The following COL24A1 variants were observed in gnomAD, a reference collection of about 807,000 sequenced individuals.
COL24A1 encodes the protein collagen type XXIV alpha 1 chain, also known as collagen alpha-1(XXIV) chain.
In COL24A1, 224 loss-of-function variants were observed where a neutral mutation model predicts 253.9. The ratio of observed to expected loss-of-function variants is 0.88; its 90% confidence interval spans 0.79 to 0.99. The LOEUF is 0.99. Among genes scored for constraint, COL24A1 ranks in the 50% least tolerant of loss-of-function variants. COL24A1 has a pLI of 0.00. For synonymous variants in COL24A1, 685 were observed against 673.7 expected, an observed-to-expected ratio of 1.02 and a Z score of -0.26; for missense variants, 2,131 against 2,068.5, an observed-to-expected ratio of 1.03 and a Z score of -0.59.
chr1:85,785,488 T>C lies in COL24A1; in HGVS notation c.4059+866A>G, dbSNP rs571912047. 2.6e-3 allele frequency among the ~76,000 whole-genome samples: 392 copies of C among 152,334 alleles called. 2 individuals are homozygous for C. The highest frequency in any genetic ancestry group is 3.2e-3 in the Non-Finnish European group (218 of 68,026). The stretch of plus-strand genomic sequence containing the variant: ...AGACAAAGCTATACAATTTTGGGGT[T>C]TGACAAATATGGATCTTTCTTATTG... On this transcript the variant is annotated intron_variant, in intron 48 of 59. Coordinates refer to ENST00000370571, the MANE Select transcript of COL24A1 (RefSeq NM_152890.7).
chr1:86,108,620 T>TAAAAAAAA (rs55852463), intron 5 of COL24A1, among the ~76,000 whole-genome samples: 2 of 83,102 alleles, frequency 2.4e-5, no homozygotes, highest in Non-Finnish European at 4.4e-5. Flanking sequence ...CCATCTCTAC[T>TAAAAAAAA]AAAAAAAAAA....
intron 59 of COL24A1, among the ~76,000 whole-genome samples, chr1:85,732,671 T>C (rs1481190888): frequency 6.6e-6 from 1 of 152,236 alleles, no homozygotes; most frequent in African/African-American, 2.4e-5. Context: ...TGCGAATTTA[T>C]TTTTAATTAT....
At chr1:85,735,286 C>T (rs1211276611) in intron 58 of COL24A1, among the ~76,000 whole-genome samples, 1 of 152,106 alleles carries the variant, frequency 6.6e-6, no homozygotes, top group Non-Finnish European at 1.5e-5. Context: ...CTTTCCTGAG[C>T]CTATATGAAT....
chr1:85,746,491 G>C (rs548484680), intron 55 of COL24A1, among the ~76,000 whole-genome samples: 3 of 152,134 alleles, frequency 2.0e-5, no homozygotes, highest in South Asian at 2.1e-4. Context: ...CTTAAATTTA[G>C]AGAGGAGATA....
At chr1:85,941,787 C>T (rs1317502286) in intron 24 of COL24A1, among the ~76,000 whole-genome samples, 1 of 152,100 alleles carries the variant, frequency 6.6e-6, no homozygotes, top group Non-Finnish European at 1.5e-5. Flanking sequence ...ATCCTAAAAA[C>T]TTGTCTAATC....
At chr1:85,910,786 C>T (rs757561996) in intron 25 of COL24A1, among the ~76,000 whole-genome samples, 2 of 151,796 alleles carry the variant, frequency 1.3e-5, no homozygotes, top group African/African-American at 2.4e-5. Context: ...ATGATATTAA[C>T]AGAGATGAAA....
chr1:85,920,158 T>G (rs1686305518), intron 24 of COL24A1, among the ~76,000 whole-genome samples: 1 of 152,192 alleles, frequency 6.6e-6, no homozygotes, highest in African/African-American at 2.4e-5. Context: ...AAGGTAAACG[T>G]ATATTTTCTA....
chr1:85,746,845 C>T (rs1481942944), intron 55 of COL24A1, among the ~76,000 whole-genome samples: 4 of 152,118 alleles, frequency 2.6e-5, no homozygotes, highest in Non-Finnish European at 5.9e-5. Context: ...GACCATCCTG[C>T]TTGCGTGAAT....
chr1:86,097,465 CTCCTCCTCCT>C (rs1704005502), intron 5 of COL24A1, among the ~76,000 whole-genome samples: 3 of 40,592 alleles, frequency 7.4e-5, no homozygotes, highest in East Asian at 4.5e-4. Flanking sequence ...CTCTTCCTCC[CTCCTCCTCCT>C]CCCTCCTCCT....
intron 48 of COL24A1, among the ~76,000 whole-genome samples, chr1:85,784,645 G>T (rs544713898): frequency 6.6e-6 from 1 of 152,158 alleles, no homozygotes; most frequent in Admixed American, 6.6e-5. Flanking sequence ...AAACTAGTAG[G>T]ATAGTAAGGC....
At chr1:85,944,011 T>G (rs368247217) in intron 24 of COL24A1, among the ~76,000 whole-genome samples, 1 of 152,362 alleles carries the variant, frequency 6.6e-6, no homozygotes, top group African/African-American at 2.4e-5. Flanking sequence ...GTTAAAACAT[T>G]GAACTTTCCC....
rs1190565175 is a variant in COL24A1, at chr1:85,965,041, A to G, written c.2485T>C (p.Tyr829His). The G allele has an allele frequency of 6.2e-7, 1 of 1,610,854 alleles. No individual in the cohort carries two copies. Residue 829 changes from tyrosine to histidine, a missense_variant, in exon 23 of 60, where the codon TAT (tyrosine) becomes CAT (histidine). Transcript: ENST00000370571. ...GPRGKPGQKG[Y>H]AGEPGPEGLK... Reference sequence around the variant, plus strand: ...CCTTCTGGTCCTGGTTCACCTGCATACCCCTTTTGACCTGGTTTTCCCTAG... The same window carrying G: ...CCTTCTGGTCCTGGTTCACCTGCATGCCCCTTTTGACCTGGTTTTCCCTAG...
At chr1:86,066,351 G>A (rs1038586586) in intron 7 of COL24A1, among the ~76,000 whole-genome samples, 1 of 147,086 alleles carries the variant, frequency 6.8e-6, no homozygotes, top group African/African-American at 2.5e-5. Context: ...CCATTCTCCT[G>A]CCTCAGCCTC....
intron 7 of COL24A1, among the ~76,000 whole-genome samples, chr1:86,064,497 G>GTACA (rs1481680763): frequency 1.3e-5 from 2 of 152,100 alleles, no homozygotes; most frequent in Admixed American, 1.3e-4. Context: ...GAGCTTATTT[G>GTACA]TACAGTTCTA....
rs748611459 is a variant in COL24A1 at position 86,125,383 on chromosome 1, T to C, written c.953A>G (p.Gln318Arg). The C allele has an allele frequency of 2.5e-6, 4 of 1,613,696 alleles. No homozygotes were observed. In the Admixed American group the frequency reaches 6.7e-5, roughly 27 times the overall value. The change falls in exon 3 of 60, where the codon CAG becomes CGG. Residue 318 changes from glutamine to arginine, a missense_variant. Physicochemically the swap from Gln to Arg is conservative, Grantham distance 43. Transcript: ENST00000370571. ...QISRSQLSSL[Q>R]SGNVSAVDLT... ...ATCCACAGCAGAGACATTTCCTGAC[T>C]GAAGAGAAGATAACTGAGATCTTGA... is the stretch of plus-strand genomic sequence containing the variant.
chr1:85,895,736 T>C (rs569294471), intron 31 of COL24A1, 122 bp downstream of exon 31: 1 of 762,412 alleles, frequency 1.3e-6, no homozygotes, highest in Admixed American at 2.8e-5. Context: ...TATCACATTG[T>C]ATACTGCAAA....
chr1:85,980,873 C>A (rs1693189397), intron 20 of COL24A1, among the ~76,000 whole-genome samples: 1 of 152,054 alleles, frequency 6.6e-6, no homozygotes, highest in South Asian at 2.1e-4. Context: ...CACGCCACTG[C>A]ACTCCAGCCT....
intron 11 of COL24A1, 108 bp from the exon 12 acceptor site, chr1:86,046,977 A>T: frequency 1.3e-6 from 1 of 747,330 alleles, no homozygotes; most frequent in Non-Finnish European, 2.4e-6. Flanking sequence ...GACAAAAACA[A>T]ATTGTTCTAT....
chr1:85,991,866 AT>A (rs1312390097), intron 19 of COL24A1, among the ~76,000 whole-genome samples: 1 of 151,302 alleles, frequency 6.6e-6, no homozygotes, highest in Non-Finnish European at 1.5e-5. Flanking sequence ...TTTATTTTTT[AT>A]TTTTTATTTT....
Sources: gnomAD v4.1 joint callset for allele counts (sites outside exome capture counted in the v4.1 genomes callset) on GRCh38, gnomAD v4.1.1 for gene constraint, MANE v1.5 for transcripts, NCBI Gene and HGNC (gene_info 2026-07-23, HGNC 2026-07-21) for gene names.